The following MDGA2 variants were observed in gnomAD, a reference collection of about 807,000 sequenced individuals.
MDGA2 encodes the protein MAM domain-containing glycosylphosphatidylinositol anchor protein 2.
A neutral mutation model predicts 117.8 loss-of-function variants in MDGA2; 40 were observed. The observed-to-expected ratio is 0.34, with a 90% CI of 0.26 to 0.44. The LOEUF (loss-of-function observed/expected upper bound fraction) is 0.44, where lower values mean the gene tolerates loss of function less well. Ranked by LOEUF, MDGA2 falls within the 20% of genes least tolerant of loss-of-function variation. MDGA2 has a pLI of 1.00. For missense variants in MDGA2, 1,123 were observed against 1,250.6 expected (o/e 0.90, Z 1.54); for synonymous variants, 452 against 439.0 (o/e 1.03, Z -0.37).
chr14:46,913,318 T>G (rs1033909743), intron 10 of MDGA2, among the ~76,000 whole-genome samples: 1 of 152,134 alleles, frequency 6.6e-6, no homozygotes, highest in African/African-American at 2.4e-5. Context: ...CAAGATGTCA[T>G]TTTATTCATG....
At chr14:47,495,376 T>G (rs1894260027) in intron 1 of MDGA2, among the ~76,000 whole-genome samples, 1 of 151,724 alleles carries the variant, frequency 6.6e-6, no homozygotes, top group Non-Finnish European at 1.5e-5. Context: ...AATACATCCA[T>G]GTAACACAAC....
intron 1 of MDGA2, among the ~76,000 whole-genome samples, chr14:47,638,322 T>G (rs1897360906): frequency 6.6e-6 from 1 of 152,152 alleles, no homozygotes; most frequent in Non-Finnish European, 1.5e-5. Flanking sequence ...GAAACCCAGT[T>G]TTGCTGTGAG....
At chr14:47,301,279 A>ACACC in intron 2 of MDGA2, 132 bp downstream of exon 2, 1 of 889,932 alleles carries the variant, frequency 1.1e-6, no homozygotes, top group South Asian at 1.8e-5. Flanking sequence ...TTACACACAC[A>ACACC]CACACCCACA....
At chr14:47,215,579 A>T (rs1886056617) in intron 3 of MDGA2, among the ~76,000 whole-genome samples, 2 of 152,112 alleles carry the variant, frequency 1.3e-5, no homozygotes, top group Non-Finnish European at 2.9e-5. Flanking sequence ...GGATGTTTGA[A>T]AATTTACTAT....
At chr14:47,062,690 T>C (rs563929681) in intron 6 of MDGA2, among the ~76,000 whole-genome samples, 2 of 152,132 alleles carry the variant, frequency 1.3e-5, no homozygotes, top group East Asian at 3.9e-4. Flanking sequence ...CTACAGACAC[T>C]AGAAGGCTGC....
At chr14:47,412,939 G>A (rs1390821696) in intron 1 of MDGA2, among the ~76,000 whole-genome samples, 1 of 152,150 alleles carries the variant, frequency 6.6e-6, no homozygotes, top group Non-Finnish European at 1.5e-5. Flanking sequence ...AAAGGAAATG[G>A]ATGTATCTCA....
At chr14:47,034,939 T>TTAA in intron 8 of MDGA2, 72 bp downstream of exon 8, 1 of 1,373,708 alleles carries the variant, frequency 7.3e-7, no homozygotes, top group Non-Finnish European at 1.0e-6. Flanking sequence ...TCACCTCATA[T>TTAA]TAATAGTAGA....
chr14:46,927,053 C>T (rs1884360363), intron 9 of MDGA2, among the ~76,000 whole-genome samples: 1 of 152,038 alleles, frequency 6.6e-6, no homozygotes, highest in Admixed American at 6.6e-5. Context: ...AGTATCTCAT[C>T]CTGGAAAAGG....
intron 1 of MDGA2, among the ~76,000 whole-genome samples, chr14:47,415,060 A>T (rs1892447236): frequency 6.6e-6 from 1 of 152,130 alleles, no homozygotes; most frequent in Admixed American, 6.6e-5. Context: ...TAACACCAAT[A>T]AACTAATGTT....
chr14:47,185,912 C>T (rs1884892160), intron 3 of MDGA2, among the ~76,000 whole-genome samples: 1 of 151,432 alleles, frequency 6.6e-6, no homozygotes, highest in Non-Finnish European at 1.5e-5. Flanking sequence ...CAAATCAATG[C>T]AGACAGAAAA....
intron 1 of MDGA2, among the ~76,000 whole-genome samples, chr14:47,402,562 G>A (rs1892177276): frequency 6.6e-6 from 1 of 152,114 alleles, no homozygotes; most frequent in Non-Finnish European, 1.5e-5. Flanking sequence ...ATTTTGTAAT[G>A]TTGCTGGAAC....
chr14:47,550,046 T>A (rs1452229062), intron 1 of MDGA2, among the ~76,000 whole-genome samples: 1 of 152,214 alleles, frequency 6.6e-6, no homozygotes, highest in South Asian at 2.1e-4. Context: ...ATTGTTAGCA[T>A]ACTTTAAAAA....
intron 7 of MDGA2, among the ~76,000 whole-genome samples, chr14:47,054,589 G>C (rs1465950977): frequency 6.6e-6 from 1 of 150,952 alleles, no homozygotes; most frequent in Non-Finnish European, 1.5e-5. Flanking sequence ...CCTTGCGATA[G>C]TTTGCTGAGA....
At chr14:47,006,641 T>A (rs1324406078) in intron 8 of MDGA2, among the ~76,000 whole-genome samples, 1 of 151,456 alleles carries the variant, frequency 6.6e-6, no homozygotes, top group Non-Finnish European at 1.5e-5. Context: ...AAGCTGATGA[T>A]GTCTATTATT....
At chr14:47,147,546 C>A (rs1329353055) in intron 3 of MDGA2, among the ~76,000 whole-genome samples, 1 of 152,182 alleles carries the variant, frequency 6.6e-6, no homozygotes, top group Non-Finnish European at 1.5e-5. Flanking sequence ...TGTGCTACTC[C>A]TCGCTAGGAG....
At chr14:47,179,259 C>T (rs1884602515) in intron 3 of MDGA2, among the ~76,000 whole-genome samples, 1 of 151,972 alleles carries the variant, frequency 6.6e-6, no homozygotes, top group Admixed American at 6.6e-5. Context: ...ATAAAGTTTT[C>T]ATATGTAATA....
At chr14:47,630,358 T>C (rs886231853) in intron 1 of MDGA2, among the ~76,000 whole-genome samples, 2 of 152,204 alleles carry the variant, frequency 1.3e-5, no homozygotes, top group African/African-American at 4.8e-5. Flanking sequence ...AGTATATATG[T>C]ATGTAGTATG....
chr14:47,027,574 ATCT>A (rs1321680628), intron 8 of MDGA2, among the ~76,000 whole-genome samples: 5 of 151,494 alleles, frequency 3.3e-5, no homozygotes, highest in Non-Finnish European at 7.4e-5. Context: ...TGATAAACTG[ATCT>A]TCTTTTCAGA....
chr14:46,875,791 T>C (rs1450806988), intron 12 of MDGA2, among the ~76,000 whole-genome samples: 2 of 151,662 alleles, frequency 1.3e-5, no homozygotes, highest in East Asian at 1.9e-4. Context: ...ATATTACATA[T>C]GCACAAAAAA....
Sources: gnomAD v4.1 joint callset for allele counts (sites outside exome capture counted in the v4.1 genomes callset) on GRCh38, gnomAD v4.1.1 for gene constraint, MANE v1.5 for transcripts, NCBI Gene and HGNC (gene_info 2026-07-23, HGNC 2026-07-21) for gene names.